ODF2: variants seen among roughly 807,000 people sequenced by gnomAD.
ODF2 encodes outer dense fiber protein 2.
In ODF2, 47 loss-of-function variants were observed where a neutral mutation model predicts 110.2. The ratio of observed to expected loss-of-function variants is 0.43; its 90% confidence interval spans 0.34 to 0.54. ODF2 has a LOEUF of 0.54. ODF2 is among the 20% of genes least tolerant of loss of function. The pLI, the probability that ODF2 is intolerant of heterozygous loss-of-function variation, is 0.03. For synonymous variants in ODF2, 352 were observed against 397.7 expected (o/e 0.89, Z 1.37); for missense variants, 812 against 1,054.5 (o/e 0.77, Z 3.19).
chr9:128,484,886 G>A (rs1354230141), exon 12 of ODF2: 1 of 1,613,234 alleles, frequency 6.2e-7, no homozygotes, highest in Non-Finnish European at 8.5e-7. Context: ...TCGCTGACAA[G>A]GTCGCAGGCC....
intron 11 of ODF2, 68 bp downstream of exon 11, chr9:128,484,122 GC>G: frequency 8.7e-7 from 1 of 1,144,788 alleles, no homozygotes; most frequent in Non-Finnish European, 1.3e-6. Flanking sequence ...TAGCGGCCTG[GC>G]CCAGATATCA....
chr9:128,464,894 C>T (rs1588743208), intron 4 of ODF2, among the ~76,000 whole-genome samples: 3 of 802 alleles, frequency 3.7e-3, no homozygotes, highest in Middle Eastern at 0.12. Flanking sequence ...GGGGTTTCAC[C>T]GTTTTAGCCG....
intron 1 of ODF2, chr9:128,456,780 C>T: frequency 7.6e-7 from 1 of 1,318,354 alleles, no homozygotes; most frequent in Non-Finnish European, 9.8e-7. Context: ...CCGCCCGCCC[C>T]CTCCCAGCCC....
chr9:128,469,091 C>T (rs1243601712), intron 4 of ODF2, 92 bp from the exon 5 acceptor site: 5 of 1,265,932 alleles, frequency 3.9e-6, no homozygotes, highest in African/African-American at 1.5e-5. Context: ...TACAGCTTTT[C>T]CCGTCTAATC....
intron 6 of ODF2, among the ~76,000 whole-genome samples, chr9:128,472,103 AC>A (rs1840151946): frequency 6.6e-6 from 1 of 152,034 alleles, no homozygotes; most frequent in African/African-American, 2.4e-5. Flanking sequence ...ACATGGTGAA[AC>A]CCTGTCTCTA....
rs1333318331 is a variant in ODF2 at position 128,494,200 on chromosome 9, A to G, written c.1753-310A>G. 1.3e-5 allele frequency among the ~76,000 whole-genome samples: 2 copies of G among 152,216 alleles called. No homozygotes were observed. Among genetic ancestry groups the G allele is most frequent in the African/African-American group, 4.8e-5 (2 of 41,460 alleles). On this transcript the variant is annotated intron_variant, in intron 16 of 20. Coordinates refer to ENST00000604420, the Ensembl canonical transcript of ODF2. The surrounding 1 kb of genome is among the most constrained non-coding windows in gnomAD (Gnocchi z 4.6). ...CTTACTATACTTGTATGGGGACAGCATCACCTATTTTACAGGTTGTCTGAA... is the reference window on the plus strand; with the variant it reads ...CTTACTATACTTGTATGGGGACAGCGTCACCTATTTTACAGGTTGTCTGAA...
At chr9:128,486,065 C>T (rs189964826) in intron 13 of ODF2, among the ~76,000 whole-genome samples, 126 of 152,254 alleles carry the variant, frequency 8.3e-4, no homozygotes, top group East Asian at 5.8e-4. Context: ...TGAGCATCTA[C>T]CATATACCAA....
At chr9:128,471,557 AGGTGGGCACAGGCACT>A in intron 6 of ODF2, 89 bp downstream of exon 6, 1 of 1,283,924 alleles carries the variant, frequency 7.8e-7, no homozygotes, top group South Asian at 1.3e-5. Context: ...GCAACGTAGG[AGGTGGGCACAGGCACT>A]GTGCCTGTGC....
In ODF2 at chr9:128,485,355, G is replaced by C. The variant is rs376849998; in HGVS notation, c.1291-10G>C. 6.6e-7 allele frequency: 1 copy of C among 1,516,834 alleles called. No homozygotes were observed. The highest frequency in any genetic ancestry group is 1.1e-5 in the South Asian group (1 of 88,076). 94.0% of individuals were successfully genotyped at this position (1,516,834 alleles called of 1,614,324 possible). A position where few individuals can be genotyped will look rare whatever the true frequency, so the allele number is the denominator to read the frequency against. On this transcript the variant is annotated splice_polypyrimidine_tract_variant and intron_variant, in intron 12 of 20. Transcript: ENST00000604420. The surrounding 1 kb of genome is among the most constrained non-coding windows in gnomAD (Gnocchi z 5.0). ...CTAGGCTAACAGGCCCTTTTGTCCC[G>C]TGTTCCCAGGATCTTTATGTCGCTG...
chr9:128,497,429 A>T (rs1288823872), intron 18 of ODF2: 1 of 71,912 alleles, frequency 1.4e-5, no homozygotes, highest in African/African-American at 1.0e-4. Flanking sequence ...CTACTAAAAA[A>T]AAAAAAAAAA....
At chr9:128,468,761 A>G (rs1588789767) in intron 4 of ODF2, among the ~76,000 whole-genome samples, 1 of 152,122 alleles carries the variant, frequency 6.6e-6, no homozygotes, top group Non-Finnish European at 1.5e-5. Context: ...ACCTCTGGTC[A>G]TCCACCCGCC....
intron 1 of ODF2, chr9:128,457,121 T>G: frequency 7.0e-7 from 1 of 1,425,188 alleles, no homozygotes. Flanking sequence ...TCCCTCGCGG[T>G]TCTGCCCCGT....
intron 17 of ODF2, among the ~76,000 whole-genome samples, chr9:128,495,524 C>CT (rs1845427505): frequency 6.6e-6 from 1 of 152,226 alleles, no homozygotes; most frequent in Non-Finnish European, 1.5e-5. Flanking sequence ...TTCTCAGGGA[C>CT]TTTGAGCCTT....
intron 6 of ODF2, among the ~76,000 whole-genome samples, chr9:128,472,605 T>C (rs1460530741): frequency 2.0e-5 from 3 of 152,124 alleles, no homozygotes; most frequent in Non-Finnish European, 2.9e-5. Context: ...TATCTGAAGA[T>C]GGTGCGTAGG....
chr9:128,492,376 C>T (rs767459636), intron 14 of ODF2, 50 bp from the exon 15 acceptor site: 3 of 1,262,608 alleles, frequency 2.4e-6, no homozygotes, highest in Admixed American at 1.7e-5. Flanking sequence ...GTAGGAGGTC[C>T]ACCTGAAGCA....
At chr9:128,471,204 ACGC>A in intron 5 of ODF2, 101 bp from the exon 6 acceptor site, 1 of 1,229,882 alleles carries the variant, frequency 8.1e-7, no homozygotes, top group Non-Finnish European at 1.1e-6. Flanking sequence ...GTGAGCCACC[ACGC>A]CCGGCCGGGG....
At chr9:128,486,953 A>T (rs1375396646) in intron 13 of ODF2, among the ~76,000 whole-genome samples, 1 of 152,166 alleles carries the variant, frequency 6.6e-6, no homozygotes, top group East Asian at 1.9e-4. Context: ...CCAAGACCTG[A>T]TAGGCAGAGA....
chr9:128,487,569 C>T (rs1378344657), intron 13 of ODF2, among the ~76,000 whole-genome samples: 1 of 152,018 alleles, frequency 6.6e-6, no homozygotes, highest in Non-Finnish European at 1.5e-5. Flanking sequence ...GGGCAGATCA[C>T]GAGGTCAGGA....
chr9:128,483,839 T>C (rs1358062724), intron 10 of ODF2, 99 bp from the exon 11 acceptor site: 14 of 814,586 alleles, frequency 1.7e-5, no homozygotes, highest in Non-Finnish European at 2.8e-5. Flanking sequence ...TGAGCTGAGA[T>C]TGCGCCACTG....
Sources: allele counts gnomAD v4.1 joint callset (sites outside exome capture counted in the v4.1 genomes callset), GRCh38; gene constraint gnomAD v4.1.1; non-coding constraint Gnocchi (gnomAD v3.1); transcripts MANE v1.5; gene names NCBI Gene and HGNC (gene_info 2026-07-23, HGNC 2026-07-21).